COMMD1: variants seen among roughly 807,000 people sequenced by gnomAD.
The protein encoded by COMMD1 is copper metabolism domain containing 1, also known as COMM domain-containing protein 1.
COMMD1 carries 10 observed loss-of-function variants against 17.2 expected under a neutral mutation model. That is an observed-to-expected ratio of 0.58 (90% CI 0.36 to 0.99). The LOEUF (loss-of-function observed/expected upper bound fraction) is 0.99, where lower values mean the gene tolerates loss of function less well. Ranked by LOEUF, COMMD1 falls within the 50% of genes least tolerant of loss-of-function variation. The probability of loss-of-function intolerance (pLI) is 0.01; values close to 1 mark genes in which losing one functional copy is unlikely to be tolerated. For synonymous variants in COMMD1, 97 were observed against 91.6 expected (o/e 1.06, Z -0.34); for missense variants, 270 against 231.8 (o/e 1.17, Z -1.07).
At chr2:62,048,724 A>G (rs746254142) in intron 2 of COMMD1, among the ~76,000 whole-genome samples, 2 of 151,792 alleles carry the variant, frequency 1.3e-5, no homozygotes, top group East Asian at 3.9e-4. Flanking sequence ...TGGCATTCAT[A>G]TCATCAGATT....
intron 1 of COMMD1, among the ~76,000 whole-genome samples, chr2:61,951,053 C>T (rs1332991322): frequency 6.6e-6 from 1 of 151,720 alleles, no homozygotes; most frequent in Non-Finnish European, 1.5e-5. Context: ...CTTTTTGCTG[C>T]CAATGGCAAT....
chr2:61,927,314 C>T (rs1670352155), intron 1 of COMMD1, among the ~76,000 whole-genome samples: 1 of 152,182 alleles, frequency 6.6e-6, no homozygotes, highest in South Asian at 2.1e-4. Context: ...TGGCTCTGTC[C>T]TCATTCTTTG....
At chr2:62,041,462 G>C (rs773574021) in intron 2 of COMMD1, among the ~76,000 whole-genome samples, 1 of 152,208 alleles carries the variant, frequency 6.6e-6, no homozygotes, top group Non-Finnish European at 1.5e-5. Context: ...TTGGAGTACA[G>C]TGGTGCTATC....
At chr2:61,990,586 G>A (rs566344285) in intron 1 of COMMD1, among the ~76,000 whole-genome samples, 1 of 152,134 alleles carries the variant, frequency 6.6e-6, no homozygotes, top group Non-Finnish European at 1.5e-5. Flanking sequence ...AAAGAAAGAG[G>A]TTTATTTGAC....
At chr2:62,040,642 A>G (rs1035957400) in intron 2 of COMMD1, among the ~76,000 whole-genome samples, 3 of 152,148 alleles carry the variant, frequency 2.0e-5, no homozygotes, top group Non-Finnish European at 4.4e-5. Context: ...GGATTTTAGT[A>G]TACACCTGTC....
intron 1 of COMMD1, among the ~76,000 whole-genome samples, chr2:61,950,471 C>T (rs1289927991): frequency 6.6e-6 from 1 of 152,188 alleles, no homozygotes; most frequent in East Asian, 1.9e-4. Flanking sequence ...TACAGTAGTT[C>T]CCCCTAATCC....
intron 1 of COMMD1, chr2:61,915,784 C>A: frequency 2.5e-6 from 1 of 402,714 alleles, no homozygotes. Flanking sequence ...GTATGAGCCA[C>A]CACGCTTGGC....
intron 2 of COMMD1, among the ~76,000 whole-genome samples, chr2:62,073,647 T>C (rs1471294793): frequency 6.6e-6 from 1 of 152,216 alleles, no homozygotes; most frequent in African/African-American, 2.4e-5. Context: ...TCAGGATCTC[T>C]TGAGACTGTA....
chr2:61,944,372 G>T (rs1216828629), intron 1 of COMMD1, among the ~76,000 whole-genome samples: 1 of 152,036 alleles, frequency 6.6e-6, no homozygotes, highest in African/African-American at 2.4e-5. Flanking sequence ...GATTTCTGGA[G>T]CCTGGGAAGT....
At chr2:62,093,326 G>T (rs1236996354) in intron 2 of COMMD1, among the ~76,000 whole-genome samples, 1 of 152,130 alleles carries the variant, frequency 6.6e-6, no homozygotes, top group African/African-American at 2.4e-5. Flanking sequence ...TGGGCATATA[G>T]TACATCAAGC....
At chr2:61,959,439 A>C (rs1029475517) in intron 1 of COMMD1, among the ~76,000 whole-genome samples, 1 of 152,200 alleles carries the variant, frequency 6.6e-6, no homozygotes, top group African/African-American at 2.4e-5. Flanking sequence ...GAGGCACTTA[A>C]TATTTATTGA....
intron 1 of COMMD1, among the ~76,000 whole-genome samples, chr2:61,913,336 C>G (rs1287658837): frequency 1.5e-5 from 2 of 133,476 alleles, no homozygotes; most frequent in African/African-American, 2.9e-5. Flanking sequence ...CACTGCACTC[C>G]AGCCTGGGCA....
chr2:61,920,819 A>G (rs991862133), intron 1 of COMMD1, among the ~76,000 whole-genome samples: 2 of 151,902 alleles, frequency 1.3e-5, no homozygotes, highest in Non-Finnish European at 2.9e-5. Flanking sequence ...CAGTGAGTGC[A>G]GAAGGAATCC....
intron 1 of COMMD1, among the ~76,000 whole-genome samples, chr2:61,991,580 G>A (rs920324768): frequency 6.6e-6 from 1 of 152,160 alleles, no homozygotes; most frequent in Non-Finnish European, 1.5e-5. Context: ...AGAGAAAGGG[G>A]CACTTACCTT....
intron 1 of COMMD1, among the ~76,000 whole-genome samples, chr2:61,950,917 C>G (rs1024014651): frequency 3.9e-5 from 6 of 152,186 alleles, no homozygotes; most frequent in African/African-American, 1.4e-4. Flanking sequence ...CAGTTCTTCA[C>G]TGACCATGGG....
At chr2:61,968,204 T>C (rs1384870021) in intron 1 of COMMD1, among the ~76,000 whole-genome samples, 1 of 151,816 alleles carries the variant, frequency 6.6e-6, no homozygotes, top group Non-Finnish European at 1.5e-5. Flanking sequence ...CCAAACATAG[T>C]CTATAGGGGA....
chr2:62,024,911 T>C (rs1397860823), intron 2 of COMMD1, among the ~76,000 whole-genome samples: 2 of 152,212 alleles, frequency 1.3e-5, no homozygotes, highest in Non-Finnish European at 2.9e-5. Context: ...AGAATTTTCC[T>C]GTTTCCTGTG....
chr2:61,901,169 ACTC>A (rs940729120), upstream of COMMD1, among the ~76,000 whole-genome samples: 3 of 149,850 alleles, frequency 2.0e-5, no homozygotes, highest in African/African-American at 7.4e-5. Flanking sequence ...CTGGTCTTGA[ACTC>A]CTGACCTCAG....
At chr2:61,965,247 T>G (rs1025786131) in intron 1 of COMMD1, among the ~76,000 whole-genome samples, 3 of 152,362 alleles carry the variant, frequency 2.0e-5, no homozygotes, top group African/African-American at 7.2e-5. Context: ...GATCAGGTTT[T>G]AATATGGAAG....
Sources: gnomAD v4.1 joint callset for allele counts (sites outside exome capture counted in the v4.1 genomes callset) on GRCh38, gnomAD v4.1.1 for gene constraint, MANE v1.5 for transcripts, NCBI Gene and HGNC (gene_info 2026-07-23, HGNC 2026-07-21) for gene names.